Variants in ARHGEF3 observed in about 807,000 individuals in gnomAD.
ARHGEF3 encodes the protein Rho guanine nucleotide exchange factor 3, also known as 59.8 kDA protein.
Under a neutral mutation model 63.2 loss-of-function variants are expected in ARHGEF3, and 28 were observed. The ratio of observed to expected loss-of-function variants is 0.44; its 90% CI spans 0.33 to 0.61. ARHGEF3 has a LOEUF of 0.61. Among genes scored for constraint, ARHGEF3 ranks in the 20% least tolerant of loss-of-function variants. ARHGEF3 has a pLI of 0.03. For synonymous variants in ARHGEF3, 266 were observed against 254.2 expected (o/e 1.05, Z -0.44); for missense variants, 533 against 659.3 (o/e 0.81, Z 2.10).
intron 3 of ARHGEF3, among the ~76,000 whole-genome samples, chr3:56,944,871 A>G (rs1699398123): frequency 6.6e-6 from 1 of 151,942 alleles, no homozygotes; most frequent in Non-Finnish European, 1.5e-5. Flanking sequence ...GAGCCACCGC[A>G]CTCAGCCAAA....
chr3:56,979,191 C>T (rs1701232719), intron 2 of ARHGEF3, among the ~76,000 whole-genome samples: 1 of 152,172 alleles, frequency 6.6e-6, no homozygotes, highest in Non-Finnish European at 1.5e-5. Context: ...TCTACATATC[C>T]AATAAGGTAG....
rs144401562 is a variant in ARHGEF3 at position 56,842,455 on chromosome 3, C to T, written c.192+39837G>A. ...GATTTGACTCACCAAGGAATGGAAT[C>T]CATACTAGCTTCTATAGACTGCTTC... On this transcript the variant is annotated intron_variant, in intron 4 of 12. Transcript: ENST00000338458. Among the ~76,000 whole-genome samples, 390 of 152,278 alleles carry T rather than the reference C, an allele frequency of 2.6e-3. 1 individual carries two copies. The highest frequency in any genetic ancestry group is 8.8e-3 in the African/African-American group (367 of 41,558).
intron 2 of ARHGEF3, among the ~76,000 whole-genome samples, chr3:57,002,294 G>T (rs567093291): frequency 1.0e-3 from 157 of 150,666 alleles, no homozygotes; most frequent in African/African-American, 3.7e-3. Context: ...TCAGCAGTCA[G>T]AAGAACCAAA....
At chr3:56,844,004 T>C (rs1228686780) in intron 4 of ARHGEF3, among the ~76,000 whole-genome samples, 2 of 152,172 alleles carry the variant, frequency 1.3e-5, no homozygotes, top group Non-Finnish European at 2.9e-5. Flanking sequence ...GACTCATCAA[T>C]TGCAAAATGA....
At chr3:56,810,873 G>A (rs1460883496) in intron 4 of ARHGEF3, among the ~76,000 whole-genome samples, 1 of 152,162 alleles carries the variant, frequency 6.6e-6, no homozygotes, top group Non-Finnish European at 1.5e-5. Context: ...AGCACTGTTC[G>A]AGTAACATAC....
chr3:56,992,375 T>TTAAAAAA (rs1701783908), intron 2 of ARHGEF3, among the ~76,000 whole-genome samples: 2 of 46,136 alleles, frequency 4.3e-5, no homozygotes, highest in African/African-American at 1.0e-4. Flanking sequence ...AGGATGGCTT[T>TTAAAAAA]AAAAAAAAAA....
intron 5 of ARHGEF3, 68 bp from the exon 6 acceptor site, chr3:56,751,200 T>C: frequency 6.4e-7 from 1 of 1,570,616 alleles, no homozygotes. Flanking sequence ...AAGTAGGTTC[T>C]GGGTTATTCA....
chr3:56,806,877 GA>G (rs1266787842), upstream of ARHGEF3, among the ~76,000 whole-genome samples: 1 of 151,048 alleles, frequency 6.6e-6, no homozygotes, highest in Non-Finnish European at 1.5e-5. Flanking sequence ...TTAACATAAG[GA>G]ATAGCGAGTT....
chr3:56,832,922 T>C (rs1212104835), intron 4 of ARHGEF3, among the ~76,000 whole-genome samples: 1 of 152,234 alleles, frequency 6.6e-6, no homozygotes, highest in African/African-American at 2.4e-5. Context: ...GCATAGCGTG[T>C]CTAAGGTTCA....
At chr3:56,966,848 TAA>T (rs1578973906) in intron 2 of ARHGEF3, among the ~76,000 whole-genome samples, 1 of 142,700 alleles carries the variant, frequency 7.0e-6, no homozygotes. Flanking sequence ...TTTTTTTTTT[TAA>T]TTATTATTAT....
intron 2 of ARHGEF3, among the ~76,000 whole-genome samples, chr3:56,995,207 T>G (rs1701922615): frequency 6.6e-6 from 1 of 152,100 alleles, no homozygotes; most frequent in South Asian, 2.1e-4. Context: ...GTAAAGCAAT[T>G]TATGCTCAAG....
rs879930871 is a variant in ARHGEF3 at position 56,737,493 on chromosome 3, G to T, written c.871-138C>A. On this transcript the variant is annotated intron_variant, in intron 7 of 9. Transcript: ENST00000296315. ...TATCTAAGTTGCTACTTTGGGAAAA[G>T]AGAAAAAAAAAAAACATAAATACTT... 58 of 436,508 alleles carry T rather than the reference G, an allele frequency of 1.3e-4. No individual in the cohort carries two copies. The African/African-American group carries it at 1.8e-3, about 13-fold the overall frequency. The allele number at this position is 436,508 out of a possible 1,614,324, so 27.0% of individuals were successfully genotyped here.
At position 56,934,820 on chromosome 3, in the gene ARHGEF3, C is replaced by G. The variant is rs558269555; in HGVS notation, c.129+24003G>C. 2.1e-3 allele frequency among the ~76,000 whole-genome samples: 318 copies of G among 152,362 alleles called. 1 individual carries two copies. The highest frequency in any genetic ancestry group is 7.4e-3 in the African/African-American group (308 of 41,590). ...ACCCCCTGCTCCACTGCACCCAGTC[C>G]CATCGACCACCCAAGGGCTGAGGAG... On this transcript the variant is annotated intron_variant, in intron 3 of 12. Coordinates refer to the ARHGEF3 transcript ENST00000338458.
intron 3 of ARHGEF3, among the ~76,000 whole-genome samples, chr3:56,944,512 A>T (rs1446016492): frequency 6.7e-6 from 1 of 150,062 alleles, no homozygotes; most frequent in Non-Finnish European, 1.5e-5. Flanking sequence ...CAGTCTCATG[A>T]TAAAGCTTGA....
At chr3:56,800,017 AAATT>A (rs1162674822) in intron 1 of ARHGEF3, among the ~76,000 whole-genome samples, 4 of 152,236 alleles carry the variant, frequency 2.6e-5, no homozygotes, top group South Asian at 4.1e-4. Flanking sequence ...CCAATGAAGA[AAATT>A]AATATTTGAC....
Position 56,844,368 on chromosome 3 carries a change from C to G in ARHGEF3, c.192+37924G>C, listed in dbSNP as rs1182596430. On this transcript the variant is annotated intron_variant, in intron 4 of 12. Transcript: ENST00000338458. ...TCTTTTCTTATGACTTATTGTTAAA[C>G]TAATAAACAGAATGCTTGAAATTGC... is the stretch of plus-strand genomic sequence containing the variant. 3.3e-5 allele frequency among the ~76,000 whole-genome samples: 5 copies of G among 152,218 alleles called. No individual in the cohort carries two copies. The East Asian group carries it at 7.7e-4, about 24-fold the overall frequency.
intron 2 of ARHGEF3, among the ~76,000 whole-genome samples, chr3:56,963,043 T>C (rs1700347199): frequency 6.6e-6 from 1 of 151,974 alleles, no homozygotes. Context: ...GAACATGGTG[T>C]TTAGGGAAGA....
At chr3:56,763,247 G>C (rs2035521955) in intron 2 of ARHGEF3, among the ~76,000 whole-genome samples, 1 of 152,192 alleles carries the variant, frequency 6.6e-6, no homozygotes, top group South Asian at 2.1e-4. Flanking sequence ...GCTTGGCCAA[G>C]TCCCTGGCAC....
intron 1 of ARHGEF3, chr3:57,073,804 T>C: frequency 6.2e-7 from 1 of 1,614,212 alleles, no homozygotes; most frequent in Non-Finnish European, 8.5e-7. Flanking sequence ...CCCAGAGGCC[T>C]TGGGTCATCC....
Sources: gnomAD v4.1 joint callset for allele counts (sites outside exome capture counted in the v4.1 genomes callset) on GRCh38, gnomAD v4.1.1 for gene constraint, MANE v1.5 for transcripts, NCBI Gene and HGNC (gene_info 2026-07-23, HGNC 2026-07-21) for gene names.